The following CFAP54 variants were observed in gnomAD, a reference collection of about 807,000 sequenced individuals.
The protein encoded by CFAP54 is cilia- and flagella-associated protein 54.
In CFAP54, 290 loss-of-function variants were observed where a neutral mutation model predicts 370.4. The observed-to-expected ratio is 0.78, with a 90% confidence interval of 0.71 to 0.86. The LOEUF (loss-of-function observed/expected upper bound fraction) is 0.86. Among genes scored for constraint, CFAP54 ranks in the 40% least tolerant of loss-of-function variants. CFAP54 has a pLI of 0.00. For missense variants in CFAP54, 3,399 were observed against 3,528.7 expected, an observed-to-expected ratio of 0.96 and a Z score of 0.93; for synonymous variants, 1,206 against 1,236.5, an observed-to-expected ratio of 0.98 and a Z score of 0.52.
chr12:96,726,004 C>G (rs1245659382), intron 50 of CFAP54, among the ~76,000 whole-genome samples: 1 of 145,814 alleles, frequency 6.9e-6, no homozygotes, highest in Non-Finnish European at 1.5e-5. Flanking sequence ...ATTGAACCAG[C>G]CTTGCATCCC....
At chr12:96,752,719 A>T (rs11108669) in intron 55 of CFAP54, among the ~76,000 whole-genome samples, 2 of 152,008 alleles carry the variant, frequency 1.3e-5, no homozygotes, top group African/African-American at 4.8e-5. Context: ...TTTCTCTGCT[A>T]CACAATTGGC....
intron 32 of CFAP54, among the ~76,000 whole-genome samples, chr12:96,635,582 C>T (rs10860057): frequency 6.6e-6 from 1 of 151,864 alleles, no homozygotes; most frequent in East Asian, 1.9e-4. Flanking sequence ...CTGACACTGT[C>T]GACATACAGT....
intron 60 of CFAP54, among the ~76,000 whole-genome samples, chr12:96,782,392 C>T (rs892126419): frequency 4.6e-5 from 7 of 152,002 alleles, no homozygotes; most frequent in African/African-American, 1.7e-4. Flanking sequence ...TCATTCACTG[C>T]AGATTATTCA....
Position 96,659,559 on chromosome 12 carries a change from G to A in CFAP54, c.5460+1213G>A, listed in dbSNP as rs571704867. ...TTCATATTCTTGTATTTATACCAAC[G>A]CAATTATAAAATATCATTTTTAGTA... is the stretch of plus-strand genomic sequence containing the variant. On this transcript the variant is annotated intron_variant, in intron 38 of 67. Transcript: ENST00000524981. Among the ~76,000 whole-genome samples the A allele has an allele frequency of 4.6e-5, 7 of 152,230 alleles. No individual in the cohort carries two copies. The East Asian group carries it at 7.7e-4, about 17-fold the overall frequency.
chr12:96,520,163 T>A (rs1453826896), intron 6 of CFAP54, among the ~76,000 whole-genome samples: 2 of 152,178 alleles, frequency 1.3e-5, no homozygotes, highest in East Asian at 3.8e-4. Flanking sequence ...GCCAAGCTAA[T>A]TGAATACACT....
chr12:96,867,378 C>G (rs1252417036), intron 67 of CFAP54, among the ~76,000 whole-genome samples: 1 of 152,170 alleles, frequency 6.6e-6, no homozygotes, highest in Non-Finnish European at 1.5e-5. Flanking sequence ...AAGCTCACAT[C>G]TGATCCAGCG....
chr12:96,530,638 T>C (rs1367581920), intron 9 of CFAP54, among the ~76,000 whole-genome samples: 1 of 152,214 alleles, frequency 6.6e-6, no homozygotes, highest in African/African-American at 2.4e-5. Context: ...CTATGAACAG[T>C]TGAGTACAAG....
At chr12:96,574,611 T>C (rs1282797355) in intron 19 of CFAP54, among the ~76,000 whole-genome samples, 1 of 152,150 alleles carries the variant, frequency 6.6e-6, no homozygotes, top group African/African-American at 2.4e-5. Context: ...TTTTTGGCCA[T>C]TGAGCACTAT....
At chr12:96,494,448 A>C (rs1459231170) in intron 1 of CFAP54, among the ~76,000 whole-genome samples, 3 of 151,904 alleles carry the variant, frequency 2.0e-5, no homozygotes, top group African/African-American at 2.4e-5. Context: ...TTATAGGCGC[A>C]TGCCACCACG....
chr12:96,568,185 A>G (rs1454118587), intron 19 of CFAP54, among the ~76,000 whole-genome samples: 1 of 145,408 alleles, frequency 6.9e-6, no homozygotes, highest in African/African-American at 2.5e-5. Flanking sequence ...TACACGGACG[A>G]TTTTCTTTTT....
chr12:96,760,998 G>A (rs1958330003), intron 58 of CFAP54, among the ~76,000 whole-genome samples: 1 of 152,050 alleles, frequency 6.6e-6, no homozygotes, highest in South Asian at 2.1e-4. Context: ...GAAATTGCTG[G>A]GTTATATGGC....
chr12:96,848,972 A>G (rs1959455632), intron 66 of CFAP54, among the ~76,000 whole-genome samples: 1 of 152,200 alleles, frequency 6.6e-6, no homozygotes, highest in African/African-American at 2.4e-5. Flanking sequence ...TCTTAATCAT[A>G]TAAAGTACAG....
chr12:96,725,872 G>GT (rs1190946623), intron 50 of CFAP54, among the ~76,000 whole-genome samples: 1 of 151,176 alleles, frequency 6.6e-6, no homozygotes, highest in Admixed American at 6.6e-5. Context: ...TTTATTGAGA[G>GT]TTTTTAGCAT....
At chr12:96,644,575 C>G (rs375680234) in intron 33 of CFAP54, among the ~76,000 whole-genome samples, 167 bp downstream of exon 33, 1 of 152,046 alleles carries the variant, frequency 6.6e-6, no homozygotes, top group African/African-American at 2.4e-5. Flanking sequence ...AAGAACTTCC[C>G]GAGACTGGTA....
At chr12:96,605,458 G>C (rs144725768) in intron 26 of CFAP54, among the ~76,000 whole-genome samples, 1 of 152,158 alleles carries the variant, frequency 6.6e-6, no homozygotes, top group African/African-American at 2.4e-5. Flanking sequence ...TTCTGAGATT[G>C]GTGTGCAGGA....
At chr12:96,685,264 C>T in intron 42 of CFAP54, 26 bp downstream of exon 42, 3 of 1,606,368 alleles carry the variant, frequency 1.9e-6, no homozygotes, top group Non-Finnish European at 2.6e-6. Context: ...GAAGGATCCC[C>T]GTACTAGCTA....
Position 96,756,441 on chromosome 12 carries a change from T to C in CFAP54, c.7841-17T>C. Reference sequence around the variant, plus strand: ...AGAAAAAGGAAAAACCATCTTTGTATCTTTTTCTTCTTTCAGGCAAAATAG... The same window carrying C: ...AGAAAAAGGAAAAACCATCTTTGTACCTTTTTCTTCTTTCAGGCAAAATAG... On this transcript the variant is annotated splice_polypyrimidine_tract_variant and intron_variant, in intron 56 of 67. Coordinates refer to ENST00000524981, the MANE Select transcript of CFAP54 (RefSeq NM_001306084.2). 1 of 1,460,444 alleles carries C rather than the reference T, an allele frequency of 6.8e-7. No individual in the cohort carries two copies. Among genetic ancestry groups the C allele is most frequent in the South Asian group, 1.2e-5 (1 of 81,638 alleles). The allele number at this position is 1,460,444 out of a possible 1,614,324, so 90.5% of individuals were successfully genotyped here.
chr12:96,628,215 G>A (rs1413988594), intron 30 of CFAP54, among the ~76,000 whole-genome samples: 1 of 152,182 alleles, frequency 6.6e-6, no homozygotes, highest in East Asian at 1.9e-4. Flanking sequence ...ACACATGGCT[G>A]TATAAATAGT....
rs906695721 is a variant in CFAP54 at position 96,811,855 on chromosome 12, T to C, written c.8957+13T>C. ...TTCCACTGAATAGGCAAGTAAAAAT[T>C]CCACAACTCGAATTGTCTTTGTTGT... On this transcript the variant is annotated intron_variant, in intron 64 of 67. Coordinates refer to ENST00000524981, the MANE Select transcript of CFAP54 (RefSeq NM_001306084.2). 1.4e-6 allele frequency: 2 copies of C among 1,381,188 alleles called. No individual in the cohort carries two copies. The highest frequency in any genetic ancestry group is 1.5e-5 in the African/African-American group (1 of 67,466). 85.6% of individuals were successfully genotyped at this position (1,381,188 alleles called of 1,614,324 possible).
Sources: gnomAD v4.1 joint callset for allele counts (sites outside exome capture counted in the v4.1 genomes callset) on GRCh38, gnomAD v4.1.1 for gene constraint, MANE v1.5 for transcripts, NCBI Gene and HGNC (gene_info 2026-07-23, HGNC 2026-07-21) for gene names.